Variants in SLC39A11 observed in about 807,000 individuals in gnomAD.
The protein encoded by SLC39A11 is zinc transporter ZIP11.
SLC39A11 carries 33 observed loss-of-function variants against 36.1 expected under a neutral mutation model. The ratio of observed to expected loss-of-function variants is 0.91; its 90% CI spans 0.69 to 1.22. The LOEUF (loss-of-function observed/expected upper bound fraction) is 1.22, where lower values mean the gene tolerates loss of function less well. Ranked by LOEUF, SLC39A11 falls within the 50% of genes most tolerant of loss-of-function variation. The probability of loss-of-function intolerance (pLI) is 0.00; values close to 1 mark genes in which losing one functional copy is unlikely to be tolerated. For synonymous variants in SLC39A11, 166 were observed against 170.3 expected, an observed-to-expected ratio of 0.97 and a Z score of 0.20; for missense variants, 432 against 430.3, an observed-to-expected ratio of 1.00 and a Z score of -0.03.
intron 4 of SLC39A11, among the ~76,000 whole-genome samples, chr17:72,981,459 C>CA (rs766683615): frequency 2.6e-5 from 4 of 152,110 alleles, no homozygotes; most frequent in Non-Finnish European, 1.5e-5. Flanking sequence ...CAAATGGTAT[C>CA]AAGACTTCTG....
intron 3 of SLC39A11, among the ~76,000 whole-genome samples, chr17:73,066,115 A>G (rs368582919): frequency 2.6e-4 from 39 of 152,344 alleles, no homozygotes; most frequent in African/African-American, 8.9e-4. Context: ...AGACTAGAGA[A>G]ACAGACTCTC....
At chr17:72,838,053 G>T in intron 6 of SLC39A11, 1 of 1,150,810 alleles carries the variant, frequency 8.7e-7, no homozygotes. Flanking sequence ...GGAGGCTGAA[G>T]CAGGAGGTTC....
intron 6 of SLC39A11, among the ~76,000 whole-genome samples, chr17:72,789,282 C>G (rs2076621869): frequency 6.6e-6 from 1 of 152,188 alleles, no homozygotes; most frequent in Admixed American, 6.5e-5. Flanking sequence ...ATCCGCCCGC[C>G]TAGGCCTCCC....
At chr17:72,920,744 T>C (rs568305614) in intron 5 of SLC39A11, among the ~76,000 whole-genome samples, 4 of 115,830 alleles carry the variant, frequency 3.5e-5, no homozygotes, top group Non-Finnish European at 6.8e-5. Flanking sequence ...CTACACCCCA[T>C]ACACACACGC....
intron 4 of SLC39A11, among the ~76,000 whole-genome samples, chr17:73,028,501 T>C (rs1024160593): frequency 1.3e-5 from 2 of 152,210 alleles, no homozygotes; most frequent in Non-Finnish European, 2.9e-5. Context: ...TCACTGACTG[T>C]AGCAATCATA....
At chr17:72,924,388 G>T (rs1225099931) in intron 5 of SLC39A11, among the ~76,000 whole-genome samples, 4 of 152,028 alleles carry the variant, frequency 2.6e-5, no homozygotes, top group Non-Finnish European at 5.9e-5. Flanking sequence ...AAATCCAGAA[G>T]GAGAGATATG....
chr17:72,856,588 A>T (rs2079651580), intron 5 of SLC39A11, among the ~76,000 whole-genome samples: 3 of 152,204 alleles, frequency 2.0e-5, no homozygotes, highest in Admixed American at 6.5e-5. Context: ...ATAGGGCTTT[A>T]AAAAAAAGTA....
intron 5 of SLC39A11, among the ~76,000 whole-genome samples, chr17:72,940,111 C>T (rs999700261): frequency 3.9e-5 from 6 of 152,166 alleles, no homozygotes; most frequent in Admixed American, 2.0e-4. Context: ...AACTTCTACA[C>T]ATTCAGATGT....
intron 7 of SLC39A11, among the ~76,000 whole-genome samples, chr17:72,650,735 G>A (rs1177577933): frequency 6.6e-6 from 1 of 152,166 alleles, no homozygotes; most frequent in Non-Finnish European, 1.5e-5. Flanking sequence ...CCGACTTTCA[G>A]GTCAACTGGC....
intron 6 of SLC39A11, among the ~76,000 whole-genome samples, chr17:72,744,849 CTTTTT>C (rs1474846105): frequency 6.6e-6 from 1 of 151,776 alleles, no homozygotes; most frequent in African/African-American, 2.4e-5. Flanking sequence ...CACATCTTTT[CTTTTT>C]TATTTGAGAT....
chr17:72,808,322 A>G (rs1290537998), intron 6 of SLC39A11, among the ~76,000 whole-genome samples: 3 of 152,228 alleles, frequency 2.0e-5, no homozygotes, highest in African/African-American at 4.8e-5. Context: ...TTGACATGGC[A>G]GACTCCATCT....
In SLC39A11 at chr17:72,911,233, A is replaced by C. The variant is rs190133204; in HGVS notation, c.430+36519T>G. ...TTGAACAATGAGAACACTTGGACAC[A>C]GGAAGGGGAACATCACACACCGGGG... On this transcript the variant is annotated intron_variant, in intron 5 of 9. Coordinates refer to ENST00000255559, the MANE Select transcript of SLC39A11 (RefSeq NM_139177.4). 2.3e-3 allele frequency among the ~76,000 whole-genome samples: 355 copies of C among 152,218 alleles called. 2 individuals carry two copies. Among genetic ancestry groups the C allele is most frequent in the Middle Eastern group, 3.4e-3 (1 of 294 alleles).
chr17:72,693,501 A>G lies in SLC39A11; in HGVS notation c.671+43149T>C, dbSNP rs934858504. On this transcript the variant is annotated intron_variant, in intron 7 of 9. Transcript: ENST00000255559. The stretch of plus-strand genomic sequence containing the variant: ...TAAACATTATTAAAATGTTTTACTT[A>G]AAAATTAGATCAATAAACTGTCCAT... Among the ~76,000 whole-genome samples, 3 of 152,336 alleles carry G rather than the reference A, an allele frequency of 2.0e-5. No homozygotes were observed. In the East Asian group the frequency reaches 5.8e-4, roughly 29 times the overall value.
chr17:72,670,869 C>T (rs1457102778), intron 7 of SLC39A11, among the ~76,000 whole-genome samples: 3 of 152,168 alleles, frequency 2.0e-5, no homozygotes, highest in South Asian at 4.1e-4. Flanking sequence ...AGGTTCTGGT[C>T]CCTTTTGCTG....
intron 6 of SLC39A11, among the ~76,000 whole-genome samples, chr17:72,834,360 G>A (rs573801698): frequency 5.9e-4 from 90 of 152,318 alleles, no homozygotes; most frequent in African/African-American, 2.1e-3. Flanking sequence ...GGTGGCTCAC[G>A]CCTATAATCC....
At chr17:72,801,069 G>A (rs865816807) in intron 6 of SLC39A11, among the ~76,000 whole-genome samples, 5 of 152,138 alleles carry the variant, frequency 3.3e-5, no homozygotes, top group South Asian at 4.1e-4. Flanking sequence ...GCCCACAGAC[G>A]ACATGATTTT....
intron 5 of SLC39A11, among the ~76,000 whole-genome samples, chr17:72,928,961 C>A (rs541762889): frequency 6.6e-6 from 1 of 152,328 alleles, no homozygotes; most frequent in East Asian, 1.9e-4. Context: ...TGCCTGTGAA[C>A]CCGCATTGGT....
intron 6 of SLC39A11, among the ~76,000 whole-genome samples, chr17:72,826,074 T>C (rs533507239): frequency 5.7e-4 from 87 of 152,258 alleles, no homozygotes; most frequent in African/African-American, 2.0e-3. Flanking sequence ...ATGGTTTGGA[T>C]TTGTGTCCCC....
chr17:72,792,910 G>C (rs1568101536), intron 6 of SLC39A11, among the ~76,000 whole-genome samples: 1 of 152,160 alleles, frequency 6.6e-6, no homozygotes, highest in Admixed American at 6.6e-5. Context: ...GACTCTTTTT[G>C]CAGAGACTAT....
Sources: allele counts gnomAD v4.1 joint callset (sites outside exome capture counted in the v4.1 genomes callset), GRCh38; gene constraint gnomAD v4.1.1; transcripts MANE v1.5; gene names NCBI Gene and HGNC (gene_info 2026-07-23, HGNC 2026-07-21).